The following PYGL variants were observed in gnomAD, a reference collection of about 807,000 sequenced individuals.
PYGL encodes the protein glycogen phosphorylase L, also known as glycogen phosphorylase, liver form.
A neutral mutation model predicts 100.1 loss-of-function variants in PYGL; 90 were observed. The observed-to-expected ratio is 0.90, with a 90% CI of 0.76 to 1.07. PYGL has a LOEUF of 1.07. PYGL is among the 50% of genes least tolerant of loss of function. PYGL has a pLI of 0.00. For missense variants in PYGL, 1,016 were observed against 1,057.6 expected (o/e 0.96, Z 0.55); for synonymous variants, 373 against 393.0 (o/e 0.95, Z 0.60).
chr14:50,936,934 T>C (rs1359413309), intron 2 of PYGL, among the ~76,000 whole-genome samples: 1 of 152,150 alleles, frequency 6.6e-6, no homozygotes, highest in Non-Finnish European at 1.5e-5. Flanking sequence ...GGAGAGGACC[T>C]GCAGGGGTTC....
intron 4 of PYGL, among the ~76,000 whole-genome samples, chr14:50,930,870 A>C (rs1242330481): frequency 6.6e-6 from 1 of 152,162 alleles, no homozygotes; most frequent in Non-Finnish European, 1.5e-5. Context: ...AATCACACTT[A>C]GTATTAGCAA....
intron 19 of PYGL, 44 bp from the exon 20 acceptor site, chr14:50,905,600 A>G (rs779699685): frequency 2.5e-6 from 4 of 1,591,232 alleles, no homozygotes; most frequent in Non-Finnish European, 2.6e-6. Flanking sequence ...CCCAGTGCGC[A>G]GTGAGCTTTA....
At chr14:50,932,025 C>T (rs78366071) in intron 3 of PYGL, among the ~76,000 whole-genome samples, 236 of 152,268 alleles carry the variant, frequency 1.5e-3, no homozygotes, top group African/African-American at 5.4e-3. Context: ...TCATCTATGA[C>T]CTCACCATCT....
chr14:50,931,664 C>T lies in PYGL; in HGVS notation c.528+9G>A, dbSNP rs377241811. ...TTAATGACAAAATTTAAAAAGATGG[C>T]TCACACACCTGCCATCCATCTCGGA... On this transcript the variant is annotated intron_variant, in intron 4 of 19. Coordinates refer to ENST00000216392, the MANE Select transcript of PYGL (RefSeq NM_002863.5). The T allele has an allele frequency of 1.9e-6, 3 of 1,607,994 alleles. No individual in the cohort carries two copies. Among genetic ancestry groups the T allele is most frequent in the East Asian group, 4.5e-5 (2 of 44,850 alleles).
rs746208990 is a variant in PYGL at position 50,905,506 on chromosome 14, C to T, written c.2430G>A (p.Gly810=). Reference sequence around the variant, plus strand: ...TAATTGTTCGGTCACTGGAGAATTTCCCCGAGGCAGCTATGTTTTTGAGTA... The same window carrying T: ...TAATTGTTCGGTCACTGGAGAATTTTCCCGAGGCAGCTATGTTTTTGAGTA... ...TMVLKNIAAS[G]KFSSDRTIKE... is the part of the protein sequence containing the mutation. Residue 810 remains glycine, a synonymous_variant, in exon 20 of 20, where the codon GGG becomes GGA. Coordinates refer to ENST00000216392, the MANE Select transcript of PYGL (RefSeq NM_002863.5). 4.6e-5 allele frequency: 75 copies of T among 1,613,870 alleles called. No homozygotes were observed. In the South Asian group the frequency reaches 7.2e-4, roughly 16 times the overall value.
chr14:50,931,061 A>G (rs186870833), intron 4 of PYGL, among the ~76,000 whole-genome samples: 4 of 152,248 alleles, frequency 2.6e-5, no homozygotes, highest in Non-Finnish European at 1.5e-5. Context: ...TTTATTTGCT[A>G]TAACAGTTAA....
At chr14:50,910,663 C>T (rs187311519) in intron 16 of PYGL, among the ~76,000 whole-genome samples, 1 of 152,264 alleles carries the variant, frequency 6.6e-6, no homozygotes, top group Admixed American at 6.5e-5. Flanking sequence ...CCCTATGCTG[C>T]CCAGGCTGAA....
chr14:50,944,089 C>T (rs980153369), intron 1 of PYGL, 72 bp downstream of exon 1: 1 of 1,513,780 alleles, frequency 6.6e-7, no homozygotes, highest in Non-Finnish European at 8.9e-7. Context: ...TTCTCCACCT[C>T]GTCCCGCCCG....
chr14:50,905,639 CA>C (rs1243628211), intron 19 of PYGL, 83 bp from the exon 20 acceptor site: 7 of 1,315,862 alleles, frequency 5.3e-6, no homozygotes, highest in Non-Finnish European at 7.7e-6. Flanking sequence ...CACATCCAAA[CA>C]CATTTCATGA....
At chr14:50,926,180 A>C (rs1235217810) in intron 4 of PYGL, among the ~76,000 whole-genome samples, 2 of 151,968 alleles carry the variant, frequency 1.3e-5, no homozygotes, top group Non-Finnish European at 2.9e-5. Context: ...GTGAGAACCT[A>C]TCTCTAAAAA....
chr14:50,931,209 C>T (rs1833755373), intron 4 of PYGL, among the ~76,000 whole-genome samples: 1 of 152,150 alleles, frequency 6.6e-6, no homozygotes, highest in Admixed American at 6.5e-5. Context: ...GGGATACAGA[C>T]ATGTATTGGC....
chr14:50,916,390 G>A lies in PYGL; in HGVS notation c.1092+252C>T, dbSNP rs538032183. ...TTTTAATCTTTTTCAACACAAAAAT[G>A]GTAAACACAATATAAGCCTTAATAT... On this transcript the variant is annotated intron_variant, in intron 9 of 19. Transcript: ENST00000216392. Among the ~76,000 whole-genome samples, 7 of 152,256 alleles carry A rather than the reference G, an allele frequency of 4.6e-5. No individual in the cohort carries two copies. In the South Asian group the frequency reaches 1.5e-3, roughly 32 times the overall value.
chr14:50,932,611 A>C (rs1257440925), intron 3 of PYGL, among the ~76,000 whole-genome samples: 1 of 152,200 alleles, frequency 6.6e-6, no homozygotes, highest in Non-Finnish European at 1.5e-5. Flanking sequence ...ATATGATAAC[A>C]CATGTCCTTT....
At chr14:50,911,940 T>G (rs369402145) in intron 15 of PYGL, 38 bp downstream of exon 15, 74 of 1,613,134 alleles carry the variant, frequency 4.6e-5, no homozygotes, top group Admixed American at 1.0e-4. Flanking sequence ...GGCAAGAGAT[T>G]AGAGCCCTCA....
intron 1 of PYGL, among the ~76,000 whole-genome samples, chr14:50,942,875 T>C (rs1051969702): frequency 2.6e-5 from 4 of 151,818 alleles, no homozygotes; most frequent in African/African-American, 7.3e-5. Flanking sequence ...AGTAAATATA[T>C]GTATACATAA....
At chr14:50,911,484 A>G (rs2050396930) in intron 16 of PYGL, among the ~76,000 whole-genome samples, 1 of 152,232 alleles carries the variant, frequency 6.6e-6, no homozygotes, top group African/African-American at 2.4e-5. Context: ...CCCCCAGCAC[A>G]TAGCTCTCAC....
chr14:50,911,887 T>A lies in PYGL; in HGVS notation c.1828-16A>T. 6.2e-7 allele frequency: 1 copy of A among 1,614,050 alleles called. No individual in the cohort carries two copies. On this transcript the variant is annotated splice_polypyrimidine_tract_variant and intron_variant, in intron 15 of 19. Coordinates refer to ENST00000216392, the MANE Select transcript of PYGL (RefSeq NM_002863.5). The stretch of plus-strand genomic sequence containing the variant: ...CTGGGGCAGCCTTTGGGGAAGAAGG[T>A]CAAACGCATTGACAGAAGGCAGCCA...
In PYGL at chr14:50,942,333, A is replaced by T. The variant is rs936869687; in HGVS notation, c.243+1828T>A. On this transcript the variant is annotated intron_variant, in intron 1 of 19. Transcript: ENST00000216392. ...CGGAGAACCAGGAAAACCATAAAGCACTGCATAAGCCACTGAAGGAAAAAC... is the reference window on the plus strand; with the variant it reads ...CGGAGAACCAGGAAAACCATAAAGCTCTGCATAAGCCACTGAAGGAAAAAC... Among the ~76,000 whole-genome samples, 3 of 140,006 alleles carry T rather than the reference A, an allele frequency of 2.1e-5. 1 individual carries two copies. Among genetic ancestry groups the T allele is most frequent in the East Asian group, 2.6e-4 (1 of 3,872 alleles). 91.8% of individuals were successfully genotyped at this position (140,006 alleles called of 152,430 possible).
At chr14:50,934,979 T>G in intron 3 of PYGL, 128 bp downstream of exon 3, 1 of 835,886 alleles carries the variant, frequency 1.2e-6, no homozygotes. Flanking sequence ...AACAAATACA[T>G]CTACAACCAG....
Sources: allele counts gnomAD v4.1 joint callset (sites outside exome capture counted in the v4.1 genomes callset), GRCh38; gene constraint gnomAD v4.1.1; transcripts MANE v1.5; gene names NCBI Gene and HGNC (gene_info 2026-07-23, HGNC 2026-07-21).